Variants in PARG observed in about 807,000 individuals in gnomAD.
PARG encodes mitochondrial poly(ADP-ribose) glycohydrolase.
In PARG, 35 loss-of-function variants were observed where a neutral mutation model predicts 113.0. The observed-to-expected ratio is 0.31, with a 90% CI of 0.24 to 0.41. The LOEUF (loss-of-function observed/expected upper bound fraction) is 0.41, where lower values mean the gene tolerates loss of function less well. Ranked by LOEUF, PARG falls within the 10% of genes least tolerant of loss-of-function variation. PARG has a pLI of 1.00. For missense variants in PARG, 797 were observed against 1,169.4 expected (o/e 0.68, Z 4.64); for synonymous variants, 330 against 409.9 (o/e 0.81, Z 2.36).
At chr10:49,845,350 G>T (rs1197407601) in intron 13 of PARG, among the ~76,000 whole-genome samples, 1 of 152,146 alleles carries the variant, frequency 6.6e-6, no homozygotes, top group Non-Finnish European at 1.5e-5. Context: ...CAATAGATTT[G>T]TATCAGTCAT....
chr10:49,869,081 AAG>A (rs1554837422), intron 10 of PARG, among the ~76,000 whole-genome samples: 1 of 150,500 alleles, frequency 6.6e-6, no homozygotes, highest in Non-Finnish European at 1.5e-5. Flanking sequence ...GGGGGCACAA[AAG>A]AGAGGAATGG....
intron 7 of PARG, among the ~76,000 whole-genome samples, chr10:49,896,988 T>C (rs1433701714): frequency 6.6e-6 from 1 of 152,242 alleles, no homozygotes; most frequent in Non-Finnish European, 1.5e-5. Flanking sequence ...GTCTCACATA[T>C]GTTAAAATAG....
chr10:49,824,534 A>G (rs1844256238), intron 16 of PARG, among the ~76,000 whole-genome samples: 1 of 152,228 alleles, frequency 6.6e-6, no homozygotes, highest in Non-Finnish European at 1.5e-5. Flanking sequence ...ATGAAAAAAT[A>G]CAAATAAATA....
At chr10:49,938,975 A>G (rs1255876896) in intron 1 of PARG, among the ~76,000 whole-genome samples, 2 of 152,136 alleles carry the variant, frequency 1.3e-5, no homozygotes, top group African/African-American at 4.8e-5. Flanking sequence ...AAAACATTTA[A>G]ACATGCGAAA....
intron 3 of PARG, 31 bp downstream of exon 3, chr10:49,933,146 T>C (rs1280784769): frequency 1.4e-6 from 2 of 1,442,502 alleles, no homozygotes; most frequent in African/African-American, 1.4e-5. Flanking sequence ...CATATTATGC[T>C]ATTGGAGAGA....
chr10:49,903,305 T>C (rs1472226723), intron 7 of PARG, among the ~76,000 whole-genome samples: 8 of 152,042 alleles, frequency 5.3e-5, no homozygotes, highest in Non-Finnish European at 1.0e-4. Flanking sequence ...AAAAAGACTA[T>C]AGTAAAGGTT....
At chr10:49,897,148 C>T (rs200580255) in intron 7 of PARG, among the ~76,000 whole-genome samples, 3 of 152,252 alleles carry the variant, frequency 2.0e-5, no homozygotes, top group Non-Finnish European at 4.4e-5. Context: ...CACCTCCTGA[C>T]TTCATTTGTA....
intron 9 of PARG, among the ~76,000 whole-genome samples, chr10:49,870,044 C>T (rs1169863397): frequency 6.6e-6 from 1 of 152,074 alleles, no homozygotes; most frequent in Non-Finnish European, 1.5e-5. Flanking sequence ...TATCAGGGCT[C>T]AACAATCCTT....
In PARG at chr10:49,934,179, A is replaced by C. The variant is rs2132981172; in HGVS notation, c.285-16T>G. 1.1e-6 allele frequency: 1 copy of C among 927,064 alleles called. No homozygotes were observed. The highest frequency in any genetic ancestry group is 2.4e-5 in the East Asian group (1 of 40,956). 57.4% of individuals were successfully genotyped at this position (927,064 alleles called of 1,614,324 possible). A position where few individuals can be genotyped will look rare whatever the true frequency, so the allele number is the denominator to read the frequency against. ...ACTATCCAAACTACAAGAGAACAGA[A>C]AGAACTAAAAACAACTTATAATACA... On this transcript the variant is annotated splice_polypyrimidine_tract_variant and intron_variant, in intron 2 of 17. Transcript: ENST00000616448.
At chr10:49,930,405 T>C in intron 4 of PARG, among the ~76,000 whole-genome samples, 1 of 151,782 alleles carries the variant, frequency 6.6e-6, no homozygotes, top group Admixed American at 6.6e-5. Context: ...AGCTGTCTGA[T>C]TAATCTTGCT....
At position 49,829,381 on chromosome 10, in the gene PARG, T is replaced by C. The variant is rs77076951; in HGVS notation, c.2647+3422A>G. ...CCAAGTAGCTGGGACTATAGGCGCA[T>C]ACCATTGTGCTCAGCTTAGCCTTAT... is the stretch of plus-strand genomic sequence containing the variant. On this transcript the variant is annotated intron_variant, in intron 16 of 17. Transcript: ENST00000616448. 3.9e-5 allele frequency among the ~76,000 whole-genome samples: 6 copies of C among 152,278 alleles called. No homozygotes were observed. In the East Asian group the frequency reaches 1.2e-3, roughly 29 times the overall value.
chr10:49,891,621 ATATTTTTTTT>A (rs1255926910), intron 7 of PARG, among the ~76,000 whole-genome samples: 104 of 43,222 alleles, frequency 2.4e-3, no homozygotes, highest in Middle Eastern at 0.014. Context: ...ATATATATAT[ATATTTTTTTT>A]TTTTTTTTTT....
intron 6 of PARG, among the ~76,000 whole-genome samples, chr10:49,920,464 ATATATATATATATATATATATATATATAT>A (rs1837754845): frequency 4.4e-5 from 2 of 45,766 alleles, no homozygotes; most frequent in African/African-American, 1.6e-4. Flanking sequence ...AAAAAAAAAA[ATATATATATATATATATATATATATATAT>A]ATATACACAC....
At chr10:49,921,099 TAAG>T (rs1285659628) in intron 6 of PARG, among the ~76,000 whole-genome samples, 1 of 152,140 alleles carries the variant, frequency 6.6e-6, no homozygotes, top group African/African-American at 2.4e-5. Context: ...TTTTAGGGTC[TAAG>T]GAGTGGAAAA....
chr10:49,922,230 T>C, intron 6 of PARG, 106 bp downstream of exon 6: 2 of 1,198,544 alleles, frequency 1.7e-6, no homozygotes, highest in South Asian at 3.0e-5. Context: ...GAAGCAAGCA[T>C]TTTGCATCTA....
At chr10:49,910,040 AAGAC>A (rs1178675312) in intron 7 of PARG, 3 of 152,252 alleles carry the variant, frequency 2.0e-5, no homozygotes, top group African/African-American at 4.8e-5. Flanking sequence ...TCTGAAGAAA[AAGAC>A]AGATATAATA....
chr10:49,832,853 G>A lies in PARG; in HGVS notation c.2597C>T (p.Ala866Val). Reference protein sequence around the residue: ...GVSSENLSAVATGNWGCGAFG... With the variant: ...GVSSENLSAVVTGNWGCGAFG... ...GGCACCACAGCCCCAGTTTCCTGTG[G>A]CCACTGCAGAAAGATTCTCTGAAGA... is the stretch of plus-strand genomic sequence containing the variant. Residue 866 changes from alanine (A) to valine (V), a missense_variant, in exon 16 of 18, where the codon GCC becomes GTC. Physicochemically the swap from Ala to Val is moderately conservative, Grantham distance 64. This residue lies in a region of PARG where 194 missense variants were observed against 247.1 expected (regional missense o/e 0.79). Transcript: ENST00000616448. 1.9e-6 allele frequency: 3 copies of A among 1,550,720 alleles called. No homozygotes were observed. Among genetic ancestry groups the A allele is most frequent in the Non-Finnish European group, 2.6e-6 (3 of 1,146,266 alleles).
intron 13 of PARG, among the ~76,000 whole-genome samples, chr10:49,847,324 T>G (rs1554833501): frequency 2.0e-5 from 3 of 151,882 alleles, no homozygotes; most frequent in South Asian, 4.1e-4. Context: ...TGAAAAAGTA[T>G]AACCTGACAG....
At chr10:49,824,026 T>C (rs1227648222) in intron 16 of PARG, among the ~76,000 whole-genome samples, 1 of 152,220 alleles carries the variant, frequency 6.6e-6, no homozygotes, top group Non-Finnish European at 1.5e-5. Context: ...GCCAGCTATC[T>C]AGCTCTGTGA....
Sources: allele counts gnomAD v4.1 joint callset (sites outside exome capture counted in the v4.1 genomes callset), GRCh38; gene constraint gnomAD v4.1.1; regional missense constraint gnomAD v4.1.1; transcripts MANE v1.5; gene names NCBI Gene and HGNC (gene_info 2026-07-23, HGNC 2026-07-21).